DLGAP1: variants seen among roughly 807,000 people sequenced by gnomAD.
The protein encoded by DLGAP1 is disks large-associated protein 1.
A neutral mutation model predicts 90.8 loss-of-function variants in DLGAP1; 11 were observed. The ratio of observed to expected loss-of-function variants is 0.12; its 90% CI spans 0.08 to 0.20. DLGAP1 has a LOEUF of 0.20. DLGAP1 is among the 10% of genes least tolerant of loss of function. The pLI is 1.00. For missense variants in DLGAP1, 1,050 were observed against 1,333.8 expected (o/e 0.79, Z 3.31); for synonymous variants, 558 against 540.7 (o/e 1.03, Z -0.44).
chr18:3,863,746 C>A (rs557898292), intron 4 of DLGAP1, among the ~76,000 whole-genome samples: 1 of 152,248 alleles, frequency 6.6e-6, no homozygotes, highest in African/African-American at 2.4e-5. Flanking sequence ...CTCAGCCCCA[C>A]CACCTCTGCA....
intron 1 of DLGAP1, among the ~76,000 whole-genome samples, chr18:4,356,462 T>G (rs2081518459): frequency 6.6e-6 from 1 of 152,182 alleles, no homozygotes; most frequent in African/African-American, 2.4e-5. Flanking sequence ...TTTTTTCCTA[T>G]GTCAACAATG....
intron 7 of DLGAP1, among the ~76,000 whole-genome samples, chr18:3,613,208 CAGG>C (rs2057712137): frequency 6.6e-6 from 1 of 152,046 alleles, no homozygotes; most frequent in Non-Finnish European, 1.5e-5. Flanking sequence ...GACAAATTTT[CAGG>C]TTACATGAAT....
rs116199728 is a variant in DLGAP1 at position 4,066,145 on chromosome 18, T to C, written c.-158-60944A>G. 5.3e-3 allele frequency among the ~76,000 whole-genome samples: 810 copies of C among 152,176 alleles called. 10 individuals are homozygous for C. Among genetic ancestry groups the C allele is most frequent in the African/African-American group, 0.017 (723 of 41,532 alleles). On this transcript the variant is annotated intron_variant, in intron 2 of 12. Transcript: ENST00000315677. ...AAAACTGAACCTCTTCCTTACACTA[T>C]ACACAAAAATCAACTCAAGATGGAT...
chr18:4,090,501 C>T (rs971570202), intron 2 of DLGAP1, among the ~76,000 whole-genome samples: 1 of 152,230 alleles, frequency 6.6e-6, no homozygotes, highest in African/African-American at 2.4e-5. Context: ...AGAAGCTCAA[C>T]ATCCCTGTTC....
intron 2 of DLGAP1, among the ~76,000 whole-genome samples, chr18:4,078,019 C>G (rs991347179): frequency 6.6e-6 from 1 of 152,146 alleles, no homozygotes; most frequent in Non-Finnish European, 1.5e-5. Flanking sequence ...ACCAGTCTGA[C>G]TGCTGTGGAA....
At chr18:3,915,774 C>T (rs754727373) in intron 3 of DLGAP1, among the ~76,000 whole-genome samples, 7 of 152,108 alleles carry the variant, frequency 4.6e-5, no homozygotes, top group Non-Finnish European at 8.8e-5. Flanking sequence ...TCTCTGAAAA[C>T]TTATTTTGAA....
intron 5 of DLGAP1, among the ~76,000 whole-genome samples, chr18:3,743,354 ATTTT>A (rs536506450): frequency 1.3e-4 from 20 of 149,660 alleles, no homozygotes; most frequent in Admixed American, 2.7e-4. Flanking sequence ...TTTAATTTTA[ATTTT>A]TTTTTTATTT....
chr18:3,499,025 C>G lies in DLGAP1; in HGVS notation c.*160G>C. ...ACGGGAAGTGGGGGGCTGAGGGGGG[C>G]CCGGGGGGCGGCTCCTGCGAGGTGG... On this transcript the variant is annotated 3_prime_UTR_variant, in exon 13 of 13. Transcript: ENST00000315677. The surrounding 1 kb of genome is among the most constrained non-coding windows in gnomAD (Gnocchi z 6.4). The G allele has an allele frequency of 1.6e-6, 1 of 629,340 alleles. No homozygotes were observed. The highest frequency in any genetic ancestry group is 2.6e-6 in the Non-Finnish European group (1 of 380,864). 39.0% of individuals were successfully genotyped at this position (629,340 alleles called of 1,614,324 possible). A position where few individuals can be genotyped will look rare whatever the true frequency, so the allele number is the denominator to read the frequency against.
At chr18:4,130,289 A>G (rs2076294341) in intron 2 of DLGAP1, among the ~76,000 whole-genome samples, 1 of 152,180 alleles carries the variant, frequency 6.6e-6, no homozygotes, top group Non-Finnish European at 1.5e-5. Flanking sequence ...TGATGATACC[A>G]ATATACTCAT....
At chr18:3,824,788 C>A (rs1886723800) in intron 4 of DLGAP1, among the ~76,000 whole-genome samples, 1 of 152,168 alleles carries the variant, frequency 6.6e-6, no homozygotes. Context: ...TTATTCCAAG[C>A]TACATTTATA....
intron 3 of DLGAP1, among the ~76,000 whole-genome samples, chr18:3,919,175 A>G (rs1420820291): frequency 6.6e-6 from 1 of 152,222 alleles, no homozygotes; most frequent in Non-Finnish European, 1.5e-5. Context: ...GGGTAATTTT[A>G]ATCTCCTTTG....
chr18:3,882,360 A>G (rs2071195346), intron 3 of DLGAP1, among the ~76,000 whole-genome samples: 1 of 149,310 alleles, frequency 6.7e-6, no homozygotes. Flanking sequence ...ACATAGTGGG[A>G]CCCAGTCTTT....
At chr18:4,191,364 T>C (rs957651733) in intron 1 of DLGAP1, among the ~76,000 whole-genome samples, 6 of 152,186 alleles carry the variant, frequency 3.9e-5, no homozygotes, top group African/African-American at 1.4e-4. Context: ...AAATACTAAA[T>C]GATGAAAACC....
At chr18:3,724,966 T>A (rs941087159) in intron 7 of DLGAP1, among the ~76,000 whole-genome samples, 2 of 151,920 alleles carry the variant, frequency 1.3e-5, no homozygotes, top group African/African-American at 4.8e-5. Flanking sequence ...CATGATAGCT[T>A]GCCTACTTCT....
At chr18:3,590,020 C>T (rs2056140487) in intron 7 of DLGAP1, among the ~76,000 whole-genome samples, 1 of 152,218 alleles carries the variant, frequency 6.6e-6, no homozygotes, top group Non-Finnish European at 1.5e-5. Context: ...AAGCAATTCT[C>T]CTGCTTCAGC....
chr18:4,316,347 G>C (rs145914705), intron 1 of DLGAP1, among the ~76,000 whole-genome samples: 4 of 152,292 alleles, frequency 2.6e-5, no homozygotes, highest in African/African-American at 4.8e-5. Flanking sequence ...GTACACTATA[G>C]AAAACAAGTG....
intron 2 of DLGAP1, among the ~76,000 whole-genome samples, chr18:4,060,149 T>G (rs961509746): frequency 5.9e-5 from 9 of 152,240 alleles, no homozygotes; most frequent in Non-Finnish European, 1.2e-4. Flanking sequence ...AGGGTCTCTC[T>G]GCTCTAGCTG....
chr18:3,845,423 A>G (rs1328089292), intron 4 of DLGAP1: 2 of 1,358,386 alleles, frequency 1.5e-6, no homozygotes, highest in East Asian at 5.2e-5. Flanking sequence ...ATGGCTCACA[A>G]CTCAAGATTT....
chr18:3,673,164 C>T (rs1598295334), intron 7 of DLGAP1, among the ~76,000 whole-genome samples: 1 of 152,176 alleles, frequency 6.6e-6, no homozygotes, highest in Non-Finnish European at 1.5e-5. Context: ...CTTGCCTCCA[C>T]ACCTCTGTGC....
Sources: gnomAD v4.1 joint callset for allele counts (sites outside exome capture counted in the v4.1 genomes callset) on GRCh38, gnomAD v4.1.1 for gene constraint, Gnocchi (gnomAD v3.1) non-coding constraint, MANE v1.5 for transcripts, NCBI Gene and HGNC (gene_info 2026-07-23, HGNC 2026-07-21) for gene names.